Variants in CSMD2 observed in about 807,000 individuals in gnomAD.
CSMD2 encodes the protein CUB and Sushi multiple domains 2.
A neutral mutation model predicts 398.5 loss-of-function variants in CSMD2; 130 were observed. That is an observed-to-expected ratio of 0.33 (90% CI 0.28 to 0.38). The LOEUF (loss-of-function observed/expected upper bound fraction) is 0.38. Ranked by LOEUF, CSMD2 falls within the 10% of genes least tolerant of loss-of-function variation. The pLI, the probability that CSMD2 is intolerant of heterozygous loss-of-function variation, is 1.00. For missense variants in CSMD2, 3,829 were observed against 4,764.9 expected (o/e 0.80, Z 5.78); for synonymous variants, 1,828 against 1,908.5 (o/e 0.96, Z 1.10).
intron 2 of CSMD2, among the ~76,000 whole-genome samples, chr1:34,082,896 T>C (rs1276789758): frequency 6.6e-6 from 1 of 151,756 alleles, no homozygotes; most frequent in East Asian, 1.9e-4. Context: ...TCACCACCAC[T>C]CCCTAATCTC....
At chr1:33,596,414 A>G (rs1639841914) in intron 44 of CSMD2, among the ~76,000 whole-genome samples, 1 of 152,076 alleles carries the variant, frequency 6.6e-6, no homozygotes, top group South Asian at 2.1e-4. Context: ...CTGGGCTACA[A>G]TGGTTCACAC....
chr1:33,804,136 A>G (rs1363831717), intron 10 of CSMD2, among the ~76,000 whole-genome samples: 2 of 152,382 alleles, frequency 1.3e-5, no homozygotes, highest in East Asian at 3.9e-4. Context: ...AAATAAAATC[A>G]TTCATATAGA....
At chr1:33,569,688 G>C (rs1409849972) in intron 51 of CSMD2, 141 bp from the exon 52 acceptor site, 3 of 832,140 alleles carry the variant, frequency 3.6e-6, no homozygotes, top group South Asian at 1.9e-5. Context: ...GGGTTGTGTT[G>C]CTGACTTGTG....
chr1:33,682,827 C>A (rs1470623493), intron 25 of CSMD2, among the ~76,000 whole-genome samples: 2 of 152,146 alleles, frequency 1.3e-5, no homozygotes, highest in Non-Finnish European at 2.9e-5. Flanking sequence ...AGTAAGCACT[C>A]CCACCCCTTG....
chr1:33,821,429 G>C (rs1465754600), intron 7 of CSMD2, among the ~76,000 whole-genome samples: 1 of 152,134 alleles, frequency 6.6e-6, no homozygotes, highest in Non-Finnish European at 1.5e-5. Context: ...CCAGGAGCTG[G>C]AGCCAGGCAC....
intron 10 of CSMD2, among the ~76,000 whole-genome samples, chr1:33,795,672 C>T (rs879914725): frequency 1.6e-4 from 24 of 152,232 alleles, no homozygotes; most frequent in Non-Finnish European, 2.6e-4. Context: ...CCCTGCTCAG[C>T]CCCTTCCTCT....
Position 33,842,380 on chromosome 1 carries a change from C to T in CSMD2, c.1033+4504G>A, listed in dbSNP as rs535079538. 4.7e-4 allele frequency among the ~76,000 whole-genome samples: 72 copies of T among 152,310 alleles called. No homozygotes were observed. In the Middle Eastern group the frequency reaches 0.014, roughly 29 times the overall value. On this transcript the variant is annotated intron_variant, in intron 6 of 70. Coordinates refer to ENST00000373381, the MANE Select transcript of CSMD2 (RefSeq NM_001281956.2). Reference sequence around the variant, plus strand: ...TCTTCCTAAAACGAAAATGTGATCACGTCTCCCCTTTCATTAACAACTTCT... The same window carrying T: ...TCTTCCTAAAACGAAAATGTGATCATGTCTCCCCTTTCATTAACAACTTCT...
chr1:34,162,652 A>T (rs1487977168), intron 1 of CSMD2, among the ~76,000 whole-genome samples: 1 of 152,072 alleles, frequency 6.6e-6, no homozygotes, highest in East Asian at 1.9e-4. Flanking sequence ...TGAAGTCAGG[A>T]GCTCGAGACC....
chr1:33,888,039 C>G (rs1570403475), intron 5 of CSMD2, among the ~76,000 whole-genome samples: 1 of 151,786 alleles, frequency 6.6e-6, no homozygotes. Context: ...ATAAAAGGAC[C>G]TAGGAAAAAA....
At chr1:33,536,710 G>A (rs923468680) in intron 62 of CSMD2, among the ~76,000 whole-genome samples, 7 of 146,796 alleles carry the variant, frequency 4.8e-5, no homozygotes, top group African/African-American at 1.2e-4. Context: ...GGTGGGCACC[G>A]TGAGGACAGA....
intron 9 of CSMD2, among the ~76,000 whole-genome samples, chr1:33,812,697 T>C (rs1193663672): frequency 6.6e-6 from 1 of 152,194 alleles, no homozygotes; most frequent in Non-Finnish European, 1.5e-5. Flanking sequence ...GGACAAATGA[T>C]ACCACCTCAT....
In CSMD2 at chr1:33,790,845, C is replaced by CTATCATCT. The variant is rs1553207628; in HGVS notation, c.1550+1577_1550+1578insAGATGATA. 6.2e-5 allele frequency among the ~76,000 whole-genome samples: 8 copies of CTATCATCT among 128,704 alleles called. 1 individual carries two copies. Among genetic ancestry groups the CTATCATCT allele is most frequent in the South Asian group, 5.0e-4 (2 of 4,030 alleles). 84.4% of individuals were successfully genotyped at this position (128,704 alleles called of 152,430 possible). A position where few individuals can be genotyped will look rare whatever the true frequency, so the allele number is the denominator to read the frequency against. On this transcript the variant is annotated intron_variant, in intron 11 of 70. Coordinates refer to ENST00000373381, the MANE Select transcript of CSMD2 (RefSeq NM_001281956.2). ...TCTATCTATCTATCTATCTATCTAT[C>CTATCATCT]ATCTATCTATCTATCTCTATCTCCT...
At chr1:33,977,276 G>T (rs1017782530) in intron 3 of CSMD2, among the ~76,000 whole-genome samples, 5 of 152,016 alleles carry the variant, frequency 3.3e-5, no homozygotes, top group African/African-American at 1.2e-4. Context: ...GGTGAGGGAG[G>T]TGAGTGGGCA....
chr1:33,814,734 T>TC (rs1408751629), intron 9 of CSMD2, among the ~76,000 whole-genome samples: 1 of 152,162 alleles, frequency 6.6e-6, no homozygotes, highest in African/African-American at 2.4e-5. Context: ...GGCCTTGCTA[T>TC]CCTGGGAGCC....
At chr1:34,103,507 C>A (rs1660217967) in intron 1 of CSMD2, among the ~76,000 whole-genome samples, 2 of 151,930 alleles carry the variant, frequency 1.3e-5, no homozygotes, top group African/African-American at 4.8e-5. Context: ...ACCGTGTTAG[C>A]CAGGATGGTC....
At chr1:33,922,803 A>G (rs1198788146) in intron 4 of CSMD2, among the ~76,000 whole-genome samples, 2 of 152,032 alleles carry the variant, frequency 1.3e-5, no homozygotes, top group African/African-American at 4.8e-5. Flanking sequence ...CATCACTGCC[A>G]TTGCTGTACC....
chr1:33,997,158 C>T (rs533945219), intron 3 of CSMD2, among the ~76,000 whole-genome samples: 13 of 152,282 alleles, frequency 8.5e-5, no homozygotes, highest in African/African-American at 2.6e-4. Flanking sequence ...AAACGAGAGT[C>T]GGTTTCCCTG....
rs1341527047 is a variant in CSMD2 at position 33,608,216 on chromosome 1, AAT to A, written c.6344-2748_6344-2747del. On this transcript the variant is annotated intron_variant, in intron 41 of 70. Transcript: ENST00000373381. ...TCTTCTGTCGAGGGAGTCAATGGAG[AAT>A]CTGAGGCGGTCACACAGGCACAACC... 2.6e-5 allele frequency among the ~76,000 whole-genome samples: 4 copies of A among 152,196 alleles called. No individual in the cohort carries two copies. The South Asian group carries it at 8.3e-4, about 32-fold the overall frequency.
At chr1:34,034,758 T>C (rs1435245255) in intron 2 of CSMD2, among the ~76,000 whole-genome samples, 4 of 152,172 alleles carry the variant, frequency 2.6e-5, no homozygotes, top group African/African-American at 9.7e-5. Context: ...AAGGAAAATA[T>C]TGATTAATAA....
Sources: gnomAD v4.1 joint callset for allele counts (sites outside exome capture counted in the v4.1 genomes callset) on GRCh38, gnomAD v4.1.1 for gene constraint, MANE v1.5 for transcripts, NCBI Gene and HGNC (gene_info 2026-07-23, HGNC 2026-07-21) for gene names.